SLC9A9: variants seen among roughly 807,000 people sequenced by gnomAD.
The protein encoded by SLC9A9 is sodium/hydrogen exchanger 9.
A neutral mutation model predicts 77.8 loss-of-function variants in SLC9A9; 62 were observed. That is an observed-to-expected ratio of 0.80 (90% CI 0.65 to 0.98). The LOEUF (loss-of-function observed/expected upper bound fraction) is 0.98, where lower values mean the gene tolerates loss of function less well. SLC9A9 is among the 50% of genes least tolerant of loss of function. The pLI is 0.00. For synonymous variants in SLC9A9, 320 were observed against 283.5 expected (o/e 1.13, Z -1.29); for missense variants, 775 against 774.9 (o/e 1.00, Z 0.00).
intron 4 of SLC9A9, chr3:143,698,237 G>A (rs1359919610): frequency 1.3e-5 from 2 of 153,748 alleles, no homozygotes; most frequent in African/African-American, 4.8e-5. Context: ...TGGACACTCT[G>A]AGGTTAGTGA....
intron 2 of SLC9A9, among the ~76,000 whole-genome samples, chr3:143,799,333 TA>T (rs1202818615): frequency 3.3e-5 from 5 of 152,148 alleles, no homozygotes; most frequent in African/African-American, 4.8e-5. Flanking sequence ...CTTCGAAAAT[TA>T]AATTCCAGCT....
At position 143,830,603 on chromosome 3, in the gene SLC9A9, C is replaced by T. The variant is rs555719748; in HGVS notation, c.378+1416G>A. ...CATTTGGTGGGAGGAGAGGTGTCAA[C>T]CTGTTTGAAGAAATAGTGCTGTATA... On this transcript the variant is annotated intron_variant, in intron 2 of 15. Coordinates refer to ENST00000316549, the MANE Select transcript of SLC9A9 (RefSeq NM_173653.4). 1.2e-4 allele frequency among the ~76,000 whole-genome samples: 19 copies of T among 152,180 alleles called. No individual in the cohort carries two copies. In the East Asian group the frequency reaches 3.5e-3, roughly 28 times the overall value.
At chr3:143,507,902 A>C (rs2036048699) in intron 9 of SLC9A9, among the ~76,000 whole-genome samples, 2 of 152,258 alleles carry the variant, frequency 1.3e-5, no homozygotes, top group Admixed American at 1.3e-4. Context: ...GAGAATGAGC[A>C]AGCAAGCTCT....
At chr3:143,627,107 G>C (rs1221426857) in intron 6 of SLC9A9, 1 of 152,284 alleles carries the variant, frequency 6.6e-6, no homozygotes, top group African/African-American at 2.4e-5. Context: ...TCCTGACCTT[G>C]TGTTCTGCTC....
At chr3:143,692,858 A>C (rs1329857717) in intron 5 of SLC9A9, among the ~76,000 whole-genome samples, 1 of 152,136 alleles carries the variant, frequency 6.6e-6, no homozygotes, top group African/African-American at 2.4e-5. Flanking sequence ...ACGTTTTAAG[A>C]AAGTTTATGA....
At chr3:143,463,964 T>A (rs1256726065) in intron 12 of SLC9A9, among the ~76,000 whole-genome samples, 1 of 152,200 alleles carries the variant, frequency 6.6e-6, no homozygotes, top group South Asian at 2.1e-4. Context: ...TTTCTTTGCA[T>A]CCTACTGTGG....
intron 12 of SLC9A9, among the ~76,000 whole-genome samples, chr3:143,465,302 C>T (rs2108567820): frequency 1.3e-5 from 2 of 152,334 alleles, no homozygotes; most frequent in South Asian, 4.1e-4. Context: ...ACTGTCCTAA[C>T]CTGTTTAAAG....
rs565675828 is a variant in SLC9A9, at chr3:143,703,619, A to G, written c.534-10312T>C. Among the ~76,000 whole-genome samples the G allele has an allele frequency of 5.9e-5, 9 of 152,248 alleles. No homozygotes were observed. The East Asian group carries it at 1.3e-3, about 23-fold the overall frequency. ...AAGTGCCTATATCAAGGAAGAAAAAAAACTTCAAATAAACAACCTAATGAT... is the reference window on the plus strand; with the variant it reads ...AAGTGCCTATATCAAGGAAGAAAAAGAACTTCAAATAAACAACCTAATGAT... On this transcript the variant is annotated intron_variant, in intron 4 of 15. Transcript: ENST00000316549.
intron 12 of SLC9A9, among the ~76,000 whole-genome samples, chr3:143,437,177 T>C (rs2034635780): frequency 6.6e-6 from 1 of 152,246 alleles, no homozygotes; most frequent in African/African-American, 2.4e-5. Context: ...AGGGGCTCCA[T>C]ACATTTTGAA....
intron 12 of SLC9A9, among the ~76,000 whole-genome samples, chr3:143,404,660 AT>A (rs1157672793): frequency 6.6e-6 from 1 of 151,524 alleles, no homozygotes; most frequent in African/African-American, 2.4e-5. Context: ...ATGTATATGT[AT>A]TTTTTTGGTC....
chr3:143,549,191 G>T (rs764201313), intron 9 of SLC9A9, among the ~76,000 whole-genome samples: 1 of 152,202 alleles, frequency 6.6e-6, no homozygotes, highest in Non-Finnish European at 1.5e-5. Context: ...TCTACAACTT[G>T]TAATTCGTTT....
intron 5 of SLC9A9, among the ~76,000 whole-genome samples, chr3:143,691,085 C>A (rs1360067153): frequency 2.0e-5 from 3 of 152,078 alleles, no homozygotes; most frequent in Admixed American, 6.6e-5. Flanking sequence ...GATACTTGGT[C>A]TGTGGTTGAG....
At chr3:143,458,867 C>G (rs2035138802) in intron 12 of SLC9A9, among the ~76,000 whole-genome samples, 1 of 152,046 alleles carries the variant, frequency 6.6e-6, no homozygotes, top group African/African-American at 2.4e-5. Flanking sequence ...CCAAGATTCC[C>G]TCCAATACCA....
At chr3:143,516,019 G>A (rs2036197376) in intron 9 of SLC9A9, among the ~76,000 whole-genome samples, 1 of 152,176 alleles carries the variant, frequency 6.6e-6, no homozygotes, top group Non-Finnish European at 1.5e-5. Context: ...GTGTTTTTGG[G>A]TGAATGGATT....
Position 143,266,829 on chromosome 3 carries a change from CT to C in SLC9A9, c.1810del (p.Arg604GlyfsTer2). On this transcript the variant is annotated frameshift_variant, in exon 16 of 16. Transcript: ENST00000316549. LOFTEE classifies it high-confidence loss of function. ...QASSPCSPPA[R>X]LGLDQKASPQ... ...TGAAGCTTTCTGGTCCAGACCTAGC[CT>C]TGCAGGAGGACTGCAGGGTGAGGAG... 1 of 1,614,162 alleles carries C rather than the reference CT, an allele frequency of 6.2e-7. No homozygotes were observed. The highest frequency in any genetic ancestry group is 8.5e-7 in the Non-Finnish European group (1 of 1,180,024).
At chr3:143,525,886 A>G (rs1204165204) in intron 9 of SLC9A9, among the ~76,000 whole-genome samples, 1 of 152,256 alleles carries the variant, frequency 6.6e-6, no homozygotes, top group African/African-American at 2.4e-5. Context: ...TCAAGCAGAC[A>G]GTGCAGGATA....
chr3:143,768,519 G>A (rs1342089431), intron 4 of SLC9A9, among the ~76,000 whole-genome samples: 1 of 151,964 alleles, frequency 6.6e-6, no homozygotes, highest in Admixed American at 6.6e-5. Context: ...GGAACTACAG[G>A]GGATATATCT....
chr3:143,314,900 G>T (rs2031152407), intron 14 of SLC9A9, among the ~76,000 whole-genome samples: 1 of 152,200 alleles, frequency 6.6e-6, no homozygotes, highest in South Asian at 2.1e-4. Flanking sequence ...TCTTAGAATT[G>T]GTCCATCACT....
chr3:143,838,416 G>T (rs909371491), intron 1 of SLC9A9, among the ~76,000 whole-genome samples: 1 of 152,184 alleles, frequency 6.6e-6, no homozygotes, highest in Non-Finnish European at 1.5e-5. Context: ...AGGAGGGAGA[G>T]GGTGTTGGCA....
Sources: gnomAD v4.1 joint callset for allele counts (sites outside exome capture counted in the v4.1 genomes callset) on GRCh38, gnomAD v4.1.1 for gene constraint, MANE v1.5 for transcripts, NCBI Gene and HGNC (gene_info 2026-07-23, HGNC 2026-07-21) for gene names.